Variants in HEBP2 observed in about 807,000 individuals in gnomAD.
The protein encoded by HEBP2 is heme binding protein 2.
In HEBP2, 27 loss-of-function variants were observed where a neutral mutation model predicts 23.1. The observed-to-expected ratio is 1.17, with a 90% CI of 0.86 to 1.61. The LOEUF (loss-of-function observed/expected upper bound fraction) is 1.61, where lower values mean the gene tolerates loss of function less well. HEBP2 is among the 40% of genes most tolerant of loss of function. The pLI is 0.00. For synonymous variants in HEBP2, 99 were observed against 95.1 expected (o/e 1.04, Z -0.24); for missense variants, 245 against 253.8 (o/e 0.97, Z 0.24).
chr6:138,411,037 G>T (rs1437324417), intron 3 of HEBP2, among the ~76,000 whole-genome samples: 1 of 152,188 alleles, frequency 6.6e-6, no homozygotes, highest in Non-Finnish European at 1.5e-5. Context: ...AGCGTGGTAG[G>T]ATTGATTTTT....
Position 138,413,398 on chromosome 6 carries a change from C to A in HEBP2, c.*320C>A. 4.4e-6 allele frequency: 1 copy of A among 228,764 alleles called. No individual in the cohort carries two copies. The highest frequency in any genetic ancestry group is 8.6e-6 in the Non-Finnish European group (1 of 116,022). The allele number at this position is 228,764 out of a possible 1,614,324, so 14.2% of individuals were successfully genotyped here. ...CCTTTTTTTTTTCTTGGATTTGTGT[C>A]AGTTGGATGATATCCCCTCCAGATA... is the stretch of plus-strand genomic sequence containing the variant. On this transcript the variant is annotated 3_prime_UTR_variant, in exon 4 of 4. Transcript: ENST00000607197.
intron 3 of HEBP2, among the ~76,000 whole-genome samples, chr6:138,407,066 C>T (rs996292585): frequency 1.3e-5 from 2 of 152,158 alleles, no homozygotes; most frequent in African/African-American, 4.8e-5. Context: ...TGGGGAGACA[C>T]AAACATAGAG....
rs901882171 is a variant in HEBP2 at position 138,413,344 on chromosome 6, C to T, written c.*266C>T. ...GATCTAGGGAAATTTCATGTCACTT[C>T]CCTCCTTCACTGCATCACAATCATA... On this transcript the variant is annotated 3_prime_UTR_variant, in exon 4 of 4. Transcript: ENST00000607197. 1.5e-5 allele frequency: 5 copies of T among 343,962 alleles called. No individual in the cohort carries two copies. The highest frequency in any genetic ancestry group is 2.7e-5 in the Non-Finnish European group (5 of 187,796). The allele number at this position is 343,962 out of a possible 1,614,324, so 21.3% of individuals were successfully genotyped here.
Position 138,405,182 on chromosome 6 carries a change from A to G in HEBP2, c.140A>G (p.Lys47Arg), listed in dbSNP as rs1210535737. 1 of 1,613,984 alleles carries G rather than the reference A, an allele frequency of 6.2e-7. No homozygotes were observed. The highest frequency in any genetic ancestry group is 8.5e-7 in the Non-Finnish European group (1 of 1,180,012). ...GAGATCCGACACTATGGACCAGCCA[A>G]GTGGGTCAGCACGTCCGTGGAGTCT... ...SYEIRHYGPA[K>R]WVSTSVESMD... is the part of the protein sequence containing the mutation. Residue 47 changes from lysine to arginine, a missense_variant, in exon 2 of 4, where the codon AAG becomes AGG. By Grantham distance (26) the Lys-to-Arg change is conservative. Transcript: ENST00000607197.
chr6:138,412,976 G>A lies in HEBP2; in HGVS notation c.516G>A (p.Lys172=), dbSNP rs761074585. The change falls in exon 4 of 4, where the codon AAG becomes AAA. Residue 172 remains lysine (K), a synonymous_variant. Transcript: ENST00000607197. ...LREDGKVFDE[K]VYYTAGYNSP... ...AAGATGGAAAAGTTTTCGATGAGAA[G>A]GTTTACTACACTGCAGGCTACAACA... 2 of 1,614,002 alleles carry A rather than the reference G, an allele frequency of 1.2e-6. No individual in the cohort carries two copies. The highest frequency in any genetic ancestry group is 1.3e-5 in the African/African-American group (1 of 75,026).
Position 138,405,250 on chromosome 6 carries a change from A to T in HEBP2, c.208A>T (p.Asn70Tyr). Residue 70 changes from asparagine (N) to tyrosine (Y), a missense_variant, in exon 2 of 4, where the codon AAC (asparagine) becomes TAC (tyrosine). Coordinates refer to ENST00000607197, the MANE Select transcript of HEBP2 (RefSeq NM_014320.3). ...SAIQTGFTKL[N>Y]SYIQGKNEKE... ...CATCCAGACGGGCTTTACGAAACTGAACAGCTACATTCAAGGCAAAAACGA... is the reference window on the plus strand; with the variant it reads ...CATCCAGACGGGCTTTACGAAACTGTACAGCTACATTCAAGGCAAAAACGA... 3 of 1,614,234 alleles carry T rather than the reference A, an allele frequency of 1.9e-6. No individual in the cohort carries two copies. The highest frequency in any genetic ancestry group is 2.5e-6 in the Non-Finnish European group (3 of 1,180,036).
Position 138,404,247 on chromosome 6 carries a change from G to C in HEBP2, c.-249G>C. The C allele has an allele frequency of 3.2e-6, 1 of 310,754 alleles. No individual in the cohort carries two copies. Among genetic ancestry groups the C allele is most frequent in the Non-Finnish European group, 5.9e-6 (1 of 170,148 alleles). 19.2% of individuals were successfully genotyped at this position (310,754 alleles called of 1,614,324 possible). ...TCCCTGTCGCCGCGGAGGGGCGGGG[G>C]CAGGACGCGCAACTCCGGCCGGAGC... On this transcript the variant is annotated 5_prime_UTR_variant, in exon 1 of 4. Transcript: ENST00000607197.
chr6:138,421,335 C>T lies in HEBP2; in HGVS notation c.*8257C>T, dbSNP rs979380164. 6.6e-6 allele frequency: 1 copy of T among 152,068 alleles called. No homozygotes were observed. Among genetic ancestry groups the T allele is most frequent in the Non-Finnish European group, 1.5e-5 (1 of 68,018 alleles). 9.4% of individuals were successfully genotyped at this position (152,068 alleles called of 1,614,324 possible). On this transcript the variant is annotated 3_prime_UTR_variant, in exon 4 of 4. Transcript: ENST00000607197. ...TGCCAGTGGTGGGTGGGGAGAAAGACGGAGACACAGAAACGTCTCCTTTTC... is the reference window on the plus strand; with the variant it reads ...TGCCAGTGGTGGGTGGGGAGAAAGATGGAGACACAGAAACGTCTCCTTTTC...
chr6:138,408,317 A>T (rs188608238), intron 3 of HEBP2, among the ~76,000 whole-genome samples: 1 of 152,208 alleles, frequency 6.6e-6, no homozygotes, highest in Non-Finnish European at 1.5e-5. Context: ...GCGAAGCCAC[A>T]TCTTCCATTC....
At chr6:138,411,420 A>G (rs7751276) in intron 3 of HEBP2, among the ~76,000 whole-genome samples, 5,776 of 152,216 alleles carry the variant, frequency 0.038, 332 homozygotes, top group African/African-American at 0.13. Flanking sequence ...AATAACCTCA[A>G]AAGGCCTTAG....
At chr6:138,403,677 CA>C (rs1383573096), upstream of HEBP2, 1 of 421,248 alleles carries the variant, frequency 2.4e-6, no homozygotes, top group South Asian at 6.2e-5. Context: ...AGCCGCACCC[CA>C]CTCGGCTCGG....
intron 2 of HEBP2, among the ~76,000 whole-genome samples, chr6:138,405,587 G>C (rs775374266): frequency 6.6e-6 from 1 of 152,176 alleles, no homozygotes; most frequent in Non-Finnish European, 1.5e-5. Flanking sequence ...AGGCAAGAAG[G>C]TACCAAGATT....
intron 3 of HEBP2, among the ~76,000 whole-genome samples, chr6:138,406,781 C>T (rs1441558882): frequency 1.3e-5 from 2 of 152,164 alleles, no homozygotes; most frequent in Non-Finnish European, 1.5e-5. Context: ...AGGCCCAGCA[C>T]TTTGGGAGGC....
chr6:138,408,948 C>T (rs1774696584), intron 3 of HEBP2, among the ~76,000 whole-genome samples: 1 of 152,150 alleles, frequency 6.6e-6, no homozygotes, highest in African/African-American at 2.4e-5. Context: ...AAAAATGAGC[C>T]TTTGCCCAAT....
At chr6:138,403,694 C>T, upstream of HEBP2, 1 of 413,986 alleles carries the variant, frequency 2.4e-6, no homozygotes, top group South Asian at 7.4e-5. Flanking sequence ...CTCGGGAAAG[C>T]CCTGGTAACC....
intron 3 of HEBP2, among the ~76,000 whole-genome samples, chr6:138,408,911 G>T (rs1774695764): frequency 6.6e-6 from 1 of 152,132 alleles, no homozygotes; most frequent in African/African-American, 2.4e-5. Context: ...TCTCTTTGGG[G>T]TTGGGGGAAT....
Position 138,421,344 on chromosome 6 carries a change from A to C in HEBP2, c.*8266A>C, listed in dbSNP as rs1032332657. The C allele has an allele frequency of 3.3e-5, 5 of 152,190 alleles. No homozygotes were observed. Among genetic ancestry groups the C allele is most frequent in the Non-Finnish European group, 5.9e-5 (4 of 68,044 alleles). The allele number at this position is 152,190 out of a possible 1,614,324, so 9.4% of individuals were successfully genotyped here. ...TGGGTGGGGAGAAAGACGGAGACAC[A>C]GAAACGTCTCCTTTTCACTGTGATT... is the stretch of plus-strand genomic sequence containing the variant. On this transcript the variant is annotated 3_prime_UTR_variant, in exon 4 of 4. Transcript: ENST00000607197.
chr6:138,406,205 C>G, intron 3 of HEBP2, 54 bp downstream of exon 3: 1 of 1,496,102 alleles, frequency 6.7e-7, no homozygotes, highest in Non-Finnish European at 9.2e-7. Flanking sequence ...CTTGCGTGCA[C>G]TCACAGTTTA....
chr6:138,407,733 T>G (rs969601883), intron 3 of HEBP2, among the ~76,000 whole-genome samples: 2 of 152,194 alleles, frequency 1.3e-5, no homozygotes, highest in African/African-American at 4.8e-5. Flanking sequence ...CCTGGGCAGC[T>G]CCATCCTTCA....
Sources: gnomAD v4.1 joint callset for allele counts (sites outside exome capture counted in the v4.1 genomes callset) on GRCh38, gnomAD v4.1.1 for gene constraint, MANE v1.5 for transcripts, NCBI Gene and HGNC (gene_info 2026-07-23, HGNC 2026-07-21) for gene names.